Variants in FGF12 observed in about 807,000 individuals in gnomAD.
The protein encoded by FGF12 is fibroblast growth factor 12B.
FGF12 carries 14 observed loss-of-function variants against 23.6 expected under a neutral mutation model. The ratio of observed to expected loss-of-function variants is 0.59; its 90% CI spans 0.39 to 0.93. The LOEUF (loss-of-function observed/expected upper bound fraction) is 0.93, where lower values mean the gene tolerates loss of function less well. FGF12 is among the 40% of genes least tolerant of loss of function. FGF12 has a pLI of 0.00. For synonymous variants in FGF12, 62 were observed against 77.3 expected, an observed-to-expected ratio of 0.80 and a Z score of 1.04; for missense variants, 175 against 217.8, an observed-to-expected ratio of 0.80 and a Z score of 1.24.
chr3:192,211,907 T>C (rs1389923885), intron 4 of FGF12, among the ~76,000 whole-genome samples: 2 of 152,130 alleles, frequency 1.3e-5, no homozygotes, highest in Non-Finnish European at 2.9e-5. Context: ...TTAGAAGAAA[T>C]AGGAAAACAC....
chr3:192,464,168 A>G (rs1346833558), intron 2 of FGF12, among the ~76,000 whole-genome samples: 1 of 152,056 alleles, frequency 6.6e-6, no homozygotes, highest in African/African-American at 2.4e-5. Context: ...TCTGGGGGGA[A>G]CATGTGGTGT....
At chr3:192,337,521 T>C (rs917159077) in intron 3 of FGF12, among the ~76,000 whole-genome samples, 5 of 152,178 alleles carry the variant, frequency 3.3e-5, no homozygotes, top group Non-Finnish European at 7.3e-5. Flanking sequence ...ATCTGGACTT[T>C]ACCAAATAGG....
intron 4 of FGF12, among the ~76,000 whole-genome samples, chr3:192,250,687 T>C (rs1387837280): frequency 1.3e-5 from 2 of 152,134 alleles, no homozygotes; most frequent in Non-Finnish European, 2.9e-5. Flanking sequence ...CCTATAGGTA[T>C]CTTCTTTTTC....
At chr3:192,239,937 G>T (rs1410647069) in intron 4 of FGF12, among the ~76,000 whole-genome samples, 7 of 152,206 alleles carry the variant, frequency 4.6e-5, no homozygotes, top group Non-Finnish European at 8.8e-5. Context: ...AACAGGGTAA[G>T]ATGAAAGGTG....
intron 4 of FGF12, among the ~76,000 whole-genome samples, chr3:192,211,071 A>G (rs1406896407): frequency 6.6e-6 from 1 of 152,218 alleles, no homozygotes; most frequent in Non-Finnish European, 1.5e-5. Context: ...TTAGGCTCCA[A>G]GGGTGCAATG....
In FGF12 at chr3:192,408,256, C is replaced by G; in HGVS notation, c.14-47718G>C. 1 of 1,543,514 alleles carries G rather than the reference C, an allele frequency of 6.5e-7. No individual in the cohort carries two copies. Among genetic ancestry groups the G allele is most frequent in the Middle Eastern group, 2.4e-4 (1 of 4,220 alleles). ...CAGCGAGGGCCTCAGGCCCCAGCCT[C>G]TACTGCGCCCTCCGGCTTGCGCTCC... On this transcript the variant is annotated intron_variant, in intron 2 of 5. Coordinates refer to ENST00000445105, the MANE Select transcript of FGF12 (RefSeq NM_004113.6). This position sits in a 1 kb window ranked among gnomAD's most constrained non-coding sequence, Gnocchi z 7.3.
At chr3:192,651,908 T>C (rs1170528987) in intron 2 of FGF12, among the ~76,000 whole-genome samples, 1 of 152,224 alleles carries the variant, frequency 6.6e-6, no homozygotes, top group Non-Finnish European at 1.5e-5. Flanking sequence ...CTAGATTCAA[T>C]TCAGCTTCAT....
chr3:192,434,877 T>C (rs1191205223), intron 2 of FGF12, among the ~76,000 whole-genome samples: 1 of 152,066 alleles, frequency 6.6e-6, no homozygotes, highest in Admixed American at 6.5e-5. Flanking sequence ...GGCTTCTCTA[T>C]CCATTTAATT....
At chr3:192,501,671 T>C (rs1013094618) in intron 2 of FGF12, among the ~76,000 whole-genome samples, 4 of 152,194 alleles carry the variant, frequency 2.6e-5, no homozygotes, top group African/African-American at 9.7e-5. Context: ...CAGCCAACCG[T>C]AATTGCCAGA....
chr3:192,363,266 T>C (rs1487984467), intron 2 of FGF12, among the ~76,000 whole-genome samples: 3 of 152,068 alleles, frequency 2.0e-5, no homozygotes, highest in African/African-American at 7.2e-5. Flanking sequence ...GTCATGTTTT[T>C]ATTGGTAATG....
At chr3:192,383,469 C>G (rs1026039604) in intron 2 of FGF12, among the ~76,000 whole-genome samples, 2 of 150,596 alleles carry the variant, frequency 1.3e-5, no homozygotes, top group Non-Finnish European at 2.9e-5. Flanking sequence ...CCAGATAAAC[C>G]TTTGAGGTCA....
rs377476462 is a variant in FGF12, at chr3:192,571,085, GAAA to G, written c.13+156093_13+156095del. 7.9e-4 allele frequency among the ~76,000 whole-genome samples: 121 copies of G among 152,238 alleles called. 1 individual carries two copies. Among genetic ancestry groups the G allele is most frequent in the Admixed American group, 2.7e-3 (42 of 15,294 alleles). On this transcript the variant is annotated intron_variant, in intron 2 of 5. Coordinates refer to ENST00000445105, the MANE Select transcript of FGF12 (RefSeq NM_004113.6). Reference sequence around the variant, plus strand: ...TTCATTTCTACATTGGTGTTGGGGGGAAAAAACAAACCTTATTAGCCACACATA... The same window carrying G: ...TTCATTTCTACATTGGTGTTGGGGGGAAACAAACCTTATTAGCCACACATA...
intron 4 of FGF12, among the ~76,000 whole-genome samples, chr3:192,207,561 T>C (rs907966640): frequency 7.9e-5 from 12 of 152,086 alleles, no homozygotes; most frequent in African/African-American, 2.9e-4. Flanking sequence ...TGGGGAGAAG[T>C]GAAGTGTGGC....
intron 2 of FGF12, among the ~76,000 whole-genome samples, chr3:192,599,107 G>C (rs1713989408): frequency 6.6e-6 from 1 of 152,056 alleles, no homozygotes. Flanking sequence ...ACCGGAGCCT[G>C]TAGGGGGTGG....
chr3:192,659,619 T>C (rs976426437), intron 2 of FGF12, among the ~76,000 whole-genome samples: 4 of 152,320 alleles, frequency 2.6e-5, no homozygotes, highest in African/African-American at 9.6e-5. Flanking sequence ...CATTAGTGGA[T>C]TACCCTTATA....
chr3:192,173,587 T>TTTTC (rs1456496314), intron 4 of FGF12, among the ~76,000 whole-genome samples: 1 of 152,204 alleles, frequency 6.6e-6, no homozygotes, highest in African/African-American at 2.4e-5. Flanking sequence ...TTTTAATTCA[T>TTTTC]TTTCTTTTAA....
Position 192,364,787 on chromosome 3 carries a change from CATTGGCTGTGCATA to C in FGF12, c.14-4263_14-4250del, listed in dbSNP as rs145523287. 4.0e-3 allele frequency among the ~76,000 whole-genome samples: 612 copies of C among 152,222 alleles called. 3 individuals carry two copies. Among genetic ancestry groups the C allele is most frequent in the Non-Finnish European group, 6.9e-3 (471 of 68,012 alleles). ...GTGAACTGAATAAGAAATAAACTTCCATTGGCTGTGCATAATGGGCTTTGGACTTCCTTCCAAAA... is the reference window on the plus strand; with the variant it reads ...GTGAACTGAATAAGAAATAAACTTCCATGGGCTTTGGACTTCCTTCCAAAA... On this transcript the variant is annotated intron_variant, in intron 2 of 5. Transcript: ENST00000445105.
chr3:192,380,508 G>A (rs1393477691), intron 2 of FGF12, among the ~76,000 whole-genome samples: 1 of 152,114 alleles, frequency 6.6e-6, no homozygotes, highest in Non-Finnish European at 1.5e-5. Flanking sequence ...AAGTTCATGA[G>A]AGAGAAAAAA....
At chr3:192,349,590 A>T (rs1718115395) in intron 3 of FGF12, among the ~76,000 whole-genome samples, 1 of 152,140 alleles carries the variant, frequency 6.6e-6, no homozygotes, top group South Asian at 2.1e-4. Flanking sequence ...AATTGTCAAC[A>T]TGAATATATA....
Sources: gnomAD v4.1 joint callset for allele counts (sites outside exome capture counted in the v4.1 genomes callset) on GRCh38, gnomAD v4.1.1 for gene constraint, Gnocchi (gnomAD v3.1) non-coding constraint, MANE v1.5 for transcripts, NCBI Gene and HGNC (gene_info 2026-07-23, HGNC 2026-07-21) for gene names.